The following CALCR variants were observed in gnomAD, a reference collection of about 807,000 sequenced individuals.
CALCR encodes the protein calcitonin receptor.
Under a neutral mutation model 59.5 loss-of-function variants are expected in CALCR, and 47 were observed. That is an observed-to-expected ratio of 0.79 (90% CI 0.63 to 1.01). The LOEUF (loss-of-function observed/expected upper bound fraction) is 1.01. Among genes scored for constraint, CALCR ranks in the 50% least tolerant of loss-of-function variants. The pLI is 0.00. For missense variants in CALCR, 566 were observed against 597.1 expected, an observed-to-expected ratio of 0.95 and a Z score of 0.54; for synonymous variants, 213 against 211.3, an observed-to-expected ratio of 1.01 and a Z score of -0.07.
At chr7:93,443,273 T>C (rs1799947240) in intron 9 of CALCR, among the ~76,000 whole-genome samples, 1 of 152,106 alleles carries the variant, frequency 6.6e-6, no homozygotes, top group Non-Finnish European at 1.5e-5. Context: ...AAACATGTGA[T>C]GAATAAAGCA....
At chr7:93,485,019 A>T (rs188343467) in intron 3 of CALCR, among the ~76,000 whole-genome samples, 2 of 151,896 alleles carry the variant, frequency 1.3e-5, no homozygotes, top group East Asian at 3.9e-4. Context: ...TTTCACAACA[A>T]TCTATTGTCT....
chr7:93,429,668 T>TA lies in CALCR; in HGVS notation c.1192-3080_1192-3079insT, dbSNP rs144329702. On this transcript the variant is annotated intron_variant, in intron 13 of 13. Transcript: ENST00000426151. ...GTTGGATTTGAATGTTTTTGTCTTTTGCCTTTCTTTTCCTGAGTTCATTCT... is the reference window on the plus strand; with the variant it reads ...GTTGGATTTGAATGTTTTTGTCTTTTAGCCTTTCTTTTCCTGAGTTCATTCT... 8.1e-3 allele frequency among the ~76,000 whole-genome samples: 1,235 copies of TA among 152,294 alleles called. 6 individuals are homozygous for TA. The highest frequency in any genetic ancestry group is 0.013 in the Non-Finnish European group (854 of 68,016).
intron 8 of CALCR, among the ~76,000 whole-genome samples, chr7:93,452,074 G>A (rs538539062): frequency 6.6e-6 from 1 of 152,040 alleles, no homozygotes; most frequent in East Asian, 1.9e-4. Context: ...TGGGTACTAT[G>A]CTCACTACCT....
chr7:93,495,691 T>C (rs919788138), intron 2 of CALCR, among the ~76,000 whole-genome samples: 1 of 151,336 alleles, frequency 6.6e-6, no homozygotes, highest in Non-Finnish European at 1.5e-5. Context: ...ATTTCCGGCA[T>C]ATCTTTTAAC....
intron 13 of CALCR, among the ~76,000 whole-genome samples, chr7:93,428,877 A>T (rs1486104919): frequency 6.6e-6 from 1 of 152,132 alleles, no homozygotes; most frequent in African/African-American, 2.4e-5. Context: ...AAACTTACAC[A>T]GATATTTACA....
At position 93,425,146 on chromosome 7, in the gene CALCR, G is replaced by T. The variant is rs1302209561; in HGVS notation, c.*1210C>A. 1 of 152,592 alleles carries T rather than the reference G, an allele frequency of 6.6e-6. No homozygotes were observed. The highest frequency in any genetic ancestry group is 1.5e-5 in the Non-Finnish European group (1 of 68,012). The allele number at this position is 152,592 out of a possible 1,614,324, so 9.5% of individuals were successfully genotyped here. Reference sequence around the variant, plus strand: ...ATTTTCAAAAATCTTATACTGGGAAGTAAAGAGAGATATGATAATATAATA... The same window carrying T: ...ATTTTCAAAAATCTTATACTGGGAATTAAAGAGAGATATGATAATATAATA... On this transcript the variant is annotated 3_prime_UTR_variant, in exon 14 of 14. Transcript: ENST00000426151.
intron 2 of CALCR, among the ~76,000 whole-genome samples, chr7:93,564,970 T>C (rs944995390): frequency 6.6e-6 from 1 of 152,112 alleles, no homozygotes; most frequent in African/African-American, 2.4e-5. Context: ...GAATGGTAGG[T>C]GCGGGACAAA....
intron 2 of CALCR, among the ~76,000 whole-genome samples, chr7:93,571,132 A>G (rs1789994685): frequency 6.6e-6 from 1 of 152,196 alleles, no homozygotes; most frequent in South Asian, 2.1e-4. Context: ...TGAAAACACA[A>G]AATCTTATCA....
At chr7:93,486,052 A>T (rs993531170) in intron 3 of CALCR, among the ~76,000 whole-genome samples, 2 of 151,676 alleles carry the variant, frequency 1.3e-5, no homozygotes, top group Non-Finnish European at 3.0e-5. Context: ...TTAATAAACA[A>T]TGGAAATCCT....
chr7:93,448,700 C>T (rs563464515), intron 8 of CALCR, among the ~76,000 whole-genome samples: 16 of 151,982 alleles, frequency 1.1e-4, no homozygotes, highest in African/African-American at 3.4e-4. Flanking sequence ...ACTAGTGGGG[C>T]TTATGTTATT....
At chr7:93,511,610 GA>G (rs59653498) in intron 2 of CALCR, among the ~76,000 whole-genome samples, 77 of 150,158 alleles carry the variant, frequency 5.1e-4, no homozygotes, top group Non-Finnish European at 8.5e-4. Context: ...TTTTGAATAG[GA>G]AAAAAAAATA....
chr7:93,469,163 TA>T (rs1388104002), intron 6 of CALCR, among the ~76,000 whole-genome samples: 1 of 151,768 alleles, frequency 6.6e-6, no homozygotes, highest in Non-Finnish European at 1.5e-5. Flanking sequence ...CATAATTCTA[TA>T]CCACAGAACT....
In CALCR at chr7:93,474,098, C is replaced by G. The variant is rs181487681; in HGVS notation, c.317-1611G>C. On this transcript the variant is annotated intron_variant, in intron 5 of 13. Transcript: ENST00000426151. ...CCAGACCCTACATCAAGTGCTCCAT[C>G]TTAAAAATAAATAAGAAAACTTCTT... Among the ~76,000 whole-genome samples, 77 of 151,712 alleles carry G rather than the reference C, an allele frequency of 5.1e-4. 1 individual carries two copies. Among genetic ancestry groups the G allele is most frequent in the African/African-American group, 1.8e-3 (76 of 41,470 alleles).
intron 2 of CALCR, among the ~76,000 whole-genome samples, chr7:93,568,298 G>A (rs1789912552): frequency 6.6e-6 from 1 of 152,102 alleles, no homozygotes; most frequent in South Asian, 2.1e-4. Flanking sequence ...ATAAAGTAAG[G>A]CAGGCGTCTC....
intron 2 of CALCR, among the ~76,000 whole-genome samples, chr7:93,490,850 C>T (rs551309583): frequency 4.1e-4 from 63 of 151,926 alleles, no homozygotes; most frequent in Non-Finnish European, 8.4e-4. Context: ...TTTATAGATT[C>T]AGTGCTATTC....
intron 8 of CALCR, among the ~76,000 whole-genome samples, chr7:93,451,638 G>T (rs1051845847): frequency 6.6e-6 from 1 of 151,924 alleles, no homozygotes; most frequent in Non-Finnish European, 1.5e-5. Context: ...CACAAGTTTC[G>T]TTTTTCACCA....
intron 2 of CALCR, among the ~76,000 whole-genome samples, chr7:93,488,381 T>C (rs1800995206): frequency 6.6e-6 from 1 of 151,440 alleles, no homozygotes; most frequent in Admixed American, 6.6e-5. Context: ...AGCATCATGA[T>C]GATGGATCAA....
At chr7:93,551,357 T>C (rs916556764) in intron 2 of CALCR, among the ~76,000 whole-genome samples, 9 of 152,234 alleles carry the variant, frequency 5.9e-5, no homozygotes, top group African/African-American at 1.4e-4. Flanking sequence ...AAGCTCTGGA[T>C]ATATGCAGGC....
At chr7:93,542,009 A>AG (rs1789156077) in intron 2 of CALCR, among the ~76,000 whole-genome samples, 1 of 151,214 alleles carries the variant, frequency 6.6e-6, no homozygotes, top group African/African-American at 2.5e-5. Context: ...AAATACATAG[A>AG]GAAAAAGTCA....
Sources: gnomAD v4.1 joint callset for allele counts (sites outside exome capture counted in the v4.1 genomes callset) on GRCh38, gnomAD v4.1.1 for gene constraint, MANE v1.5 for transcripts, NCBI Gene and HGNC (gene_info 2026-07-23, HGNC 2026-07-21) for gene names.